Variants in CAMSAP1 observed in about 807,000 individuals in gnomAD.
CAMSAP1 encodes calmodulin-regulated spectrin-associated protein 1.
Under a neutral mutation model 143.5 loss-of-function variants are expected in CAMSAP1, and 58 were observed. The observed-to-expected ratio is 0.40, with a 90% CI of 0.33 to 0.50. The LOEUF is 0.50. CAMSAP1 is among the 20% of genes least tolerant of loss of function. The pLI, the probability that CAMSAP1 is intolerant of heterozygous loss-of-function variation, is 0.45. For synonymous variants in CAMSAP1, 945 were observed against 859.3 expected (o/e 1.10, Z -1.74); for missense variants, 1,969 against 2,115.7 (o/e 0.93, Z 1.36).
At position 135,822,066 on chromosome 9, in the gene CAMSAP1, C is replaced by G. The variant is rs199971420; in HGVS notation, c.2595G>C (p.Gln865His). The G allele has an allele frequency of 3.1e-6, 5 of 1,612,136 alleles. No individual in the cohort carries two copies. The Admixed American group carries it at 8.3e-5, about 27-fold the overall frequency. ...GGAGGCTGGCGGGATCCTTGCCATG[C>G]TGGCTCGGACTCTGCTCCCTCTTCT... ...WRQKREQSPS[Q>H]HGKDPASLLA... Residue 865 changes from glutamine (Q) to histidine (H), a missense_variant, in exon 11 of 17, where the codon CAG (glutamine) becomes CAC (histidine). By Grantham distance (24) the Gln-to-His change is conservative. Coordinates refer to ENST00000389532, the MANE Select transcript of CAMSAP1 (RefSeq NM_015447.4). The surrounding 1 kb of genome is among the most constrained non-coding windows in gnomAD (Gnocchi z 6.1).
Position 135,907,512 on chromosome 9 carries a change from G to A in CAMSAP1, c.-353C>T, listed in dbSNP as rs1468385239. ...GGTGAGCGGCGGCGGCGGCGACAGCGGCTGAGGCGGTGGCCAAGGAGCGGG... is the reference window on the plus strand; with the variant it reads ...GGTGAGCGGCGGCGGCGGCGACAGCAGCTGAGGCGGTGGCCAAGGAGCGGG... On this transcript the variant is annotated 5_prime_UTR_variant, in exon 1 of 17. Coordinates refer to ENST00000389532, the MANE Select transcript of CAMSAP1 (RefSeq NM_015447.4). Among the ~76,000 whole-genome samples, 1 of 147,940 alleles carries A rather than the reference G, an allele frequency of 6.8e-6. No individual in the cohort carries two copies. The highest frequency in any genetic ancestry group is 1.5e-5 in the Non-Finnish European group (1 of 66,338).
chr9:135,851,059 G>A (rs555112007), intron 5 of CAMSAP1, among the ~76,000 whole-genome samples: 2 of 152,282 alleles, frequency 1.3e-5, no homozygotes, highest in South Asian at 4.1e-4. Flanking sequence ...ACCCTCCATG[G>A]AGGAAGCACC....
rs566555036 is a variant in CAMSAP1, at chr9:135,810,945, G to A, written c.*364C>T. On this transcript the variant is annotated 3_prime_UTR_variant, in exon 17 of 17. Coordinates refer to ENST00000389532, the MANE Select transcript of CAMSAP1 (RefSeq NM_015447.4). ...GAAGCAAGAAAGCAAAGTGGATCACGTCTAATCTATGCTGAAGGAGAACTT... is the reference window on the plus strand; with the variant it reads ...GAAGCAAGAAAGCAAAGTGGATCACATCTAATCTATGCTGAAGGAGAACTT... The A allele has an allele frequency of 1.0e-5, 3 of 296,576 alleles. No individual in the cohort carries two copies. The highest frequency in any genetic ancestry group is 4.2e-5 in the South Asian group (1 of 23,560). The allele number at this position is 296,576 out of a possible 1,614,324, so 18.4% of individuals were successfully genotyped here. A position where few individuals can be genotyped will look rare whatever the true frequency, so the allele number is the denominator to read the frequency against.
intron 1 of CAMSAP1, among the ~76,000 whole-genome samples, chr9:135,894,010 G>T (rs970602615): frequency 2.6e-5 from 4 of 152,112 alleles, no homozygotes; most frequent in Non-Finnish European, 5.9e-5. Flanking sequence ...CCCACCCAAC[G>T]GGAGGTGACA....
intron 1 of CAMSAP1, among the ~76,000 whole-genome samples, chr9:135,905,917 G>A (rs1838762831): frequency 6.6e-6 from 1 of 152,172 alleles, no homozygotes; most frequent in Non-Finnish European, 1.5e-5. Flanking sequence ...ATGTAGCAGT[G>A]TTTCTTCCTC....
intron 5 of CAMSAP1, among the ~76,000 whole-genome samples, chr9:135,859,155 T>C (rs911753585): frequency 2.0e-5 from 3 of 152,228 alleles, no homozygotes; most frequent in Non-Finnish European, 2.9e-5. Context: ...CTGTGGAGAA[T>C]GTACTGATTC....
chr9:135,843,369 A>G (rs1341674366), intron 7 of CAMSAP1, among the ~76,000 whole-genome samples: 1 of 152,180 alleles, frequency 6.6e-6, no homozygotes, highest in East Asian at 1.9e-4. Context: ...TTGGATAAAG[A>G]GTCAAGACCC....
chr9:135,847,192 A>G (rs1421362138), intron 7 of CAMSAP1, among the ~76,000 whole-genome samples: 1 of 151,784 alleles, frequency 6.6e-6, no homozygotes, highest in Non-Finnish European at 1.5e-5. Context: ...CTAAAAAAAA[A>G]AAATACAAAA....
intron 1 of CAMSAP1, 69 bp from the exon 2 acceptor site, chr9:135,883,147 A>C: frequency 6.7e-7 from 1 of 1,501,780 alleles, no homozygotes; most frequent in Non-Finnish European, 9.0e-7. Flanking sequence ...TCAAGGCTGC[A>C]GTGAACTATG....
chr9:135,829,888 T>TAAATAACA (rs774186293), intron 7 of CAMSAP1, among the ~76,000 whole-genome samples: 8 of 150,022 alleles, frequency 5.3e-5, no homozygotes, highest in Middle Eastern at 3.4e-3. Flanking sequence ...AATAAATAAA[T>TAAATAACA]AACAATAAGT....
chr9:135,887,765 G>T (rs889389244), intron 1 of CAMSAP1, among the ~76,000 whole-genome samples: 1 of 152,152 alleles, frequency 6.6e-6, no homozygotes, highest in Non-Finnish European at 1.5e-5. Context: ...GCTACAGGGG[G>T]CAGAGTGAAA....
rs1239186761 is a variant in CAMSAP1 at position 135,882,123 on chromosome 9, C to A, written c.424-329G>T. Reference sequence around the variant, plus strand: ...GGGACTCCCAGGAAAGGCGGTGCAGCTCCCAGGTCGTGGTTGTGGGAAGGC... The same window carrying A: ...GGGACTCCCAGGAAAGGCGGTGCAGATCCCAGGTCGTGGTTGTGGGAAGGC... On this transcript the variant is annotated intron_variant, in intron 2 of 16. Coordinates refer to ENST00000389532, the MANE Select transcript of CAMSAP1 (RefSeq NM_015447.4). The surrounding 1 kb of genome is among the most constrained non-coding windows in gnomAD (Gnocchi z 4.9). 6.6e-6 allele frequency among the ~76,000 whole-genome samples: 1 copy of A among 152,208 alleles called. No individual in the cohort carries two copies. The highest frequency in any genetic ancestry group is 1.5e-5 in the Non-Finnish European group (1 of 68,040).
chr9:135,894,793 G>A (rs1471675975), intron 1 of CAMSAP1, among the ~76,000 whole-genome samples: 1 of 152,220 alleles, frequency 6.6e-6, no homozygotes, highest in East Asian at 1.9e-4. Context: ...AGAGGATGAT[G>A]AACTGGCACA....
Position 135,815,226 on chromosome 9 carries a change from A to T in CAMSAP1, c.4388-11T>A, listed in dbSNP as rs779854197. On this transcript the variant is annotated splice_polypyrimidine_tract_variant and intron_variant, in intron 15 of 16. Coordinates refer to ENST00000389532, the MANE Select transcript of CAMSAP1 (RefSeq NM_015447.4). ...TAAAGAGCTTGGGACCTAAGAAACGAGGCCAGGGTTGGTAAAATTATTATT... is the reference window on the plus strand; with the variant it reads ...TAAAGAGCTTGGGACCTAAGAAACGTGGCCAGGGTTGGTAAAATTATTATT... 1.3e-6 allele frequency: 2 copies of T among 1,572,962 alleles called. No homozygotes were observed. Among genetic ancestry groups the T allele is most frequent in the African/African-American group, 1.4e-5 (1 of 73,524 alleles).
At chr9:135,853,837 T>A (rs960568916) in intron 5 of CAMSAP1, among the ~76,000 whole-genome samples, 1 of 152,190 alleles carries the variant, frequency 6.6e-6, no homozygotes, top group Non-Finnish European at 1.5e-5. Flanking sequence ...CTGCCACAGG[T>A]GGGGTCAACA....
intron 1 of CAMSAP1, among the ~76,000 whole-genome samples, chr9:135,899,315 G>A (rs560507077): frequency 1.6e-4 from 25 of 151,738 alleles, no homozygotes; most frequent in South Asian, 4.2e-4. Context: ...ATGGCCGGGC[G>A]CGGTGGCTCA....
intron 1 of CAMSAP1, among the ~76,000 whole-genome samples, chr9:135,906,515 C>A (rs538622197): frequency 1.3e-5 from 2 of 152,240 alleles, no homozygotes; most frequent in African/African-American, 4.8e-5. Flanking sequence ...GCACAATGCG[C>A]GGAATACGCA....
intron 1 of CAMSAP1, among the ~76,000 whole-genome samples, chr9:135,899,697 T>C (rs2131025650): frequency 6.6e-6 from 1 of 152,280 alleles, no homozygotes; most frequent in Admixed American, 6.5e-5. Flanking sequence ...CACCAGCCTT[T>C]CCCACACGGT....
chr9:135,873,337 G>A (rs983590265), intron 3 of CAMSAP1, among the ~76,000 whole-genome samples: 1 of 152,062 alleles, frequency 6.6e-6, no homozygotes, highest in African/African-American at 2.4e-5. Flanking sequence ...CGCTTAGAGA[G>A]GAATCGACAG....
Sources: gnomAD v4.1 joint callset for allele counts (sites outside exome capture counted in the v4.1 genomes callset) on GRCh38, gnomAD v4.1.1 for gene constraint, Gnocchi (gnomAD v3.1) non-coding constraint, MANE v1.5 for transcripts, NCBI Gene and HGNC (gene_info 2026-07-23, HGNC 2026-07-21) for gene names.